The following CREB5 variants were observed in gnomAD, a reference collection of about 807,000 sequenced individuals.
The protein encoded by CREB5 is cyclic AMP-responsive element-binding protein 5.
A neutral mutation model predicts 57.1 loss-of-function variants in CREB5; 19 were observed. The ratio of observed to expected loss-of-function variants is 0.33; its 90% CI spans 0.23 to 0.49. The LOEUF (loss-of-function observed/expected upper bound fraction) is 0.49, where lower values mean the gene tolerates loss of function less well. CREB5 is among the 20% of genes least tolerant of loss of function. The pLI is 0.99. For synonymous variants in CREB5, 238 were observed against 238.3 expected, an observed-to-expected ratio of 1.00 and a Z score of 0.01; for missense variants, 579 against 671.6, an observed-to-expected ratio of 0.86 and a Z score of 1.52.
intron 4 of CREB5, among the ~76,000 whole-genome samples, chr7:28,554,749 C>T (rs906138613): frequency 1.3e-5 from 2 of 152,184 alleles, no homozygotes; most frequent in African/African-American, 4.8e-5. Context: ...ATTGGAGGCC[C>T]GGAGGGCGTT....
intron 4 of CREB5, among the ~76,000 whole-genome samples, chr7:28,560,845 CGCGTGT>C (rs1178985294): frequency 0.013 from 537 of 41,346 alleles, 70 homozygotes; most frequent in Non-Finnish European, 0.022. Flanking sequence ...TGTGTGTGTG[CGCGTGT>C]GTGTGTGCGT....
At chr7:28,627,325 A>G (rs915698081) in intron 5 of CREB5, among the ~76,000 whole-genome samples, 2 of 152,230 alleles carry the variant, frequency 1.3e-5, no homozygotes, top group African/African-American at 4.8e-5. Flanking sequence ...ATTAGATACA[A>G]TAATACTTGA....
chr7:28,532,832 C>G (rs2128622863), intron 4 of CREB5, among the ~76,000 whole-genome samples: 1 of 152,338 alleles, frequency 6.6e-6, no homozygotes, highest in African/African-American at 2.4e-5. Context: ...TACTATACCT[C>G]TCACCCTAAG....
intron 5 of CREB5, among the ~76,000 whole-genome samples, chr7:28,621,092 T>G (rs1365490789): frequency 6.6e-6 from 1 of 150,454 alleles, no homozygotes; most frequent in Non-Finnish European, 1.5e-5. Context: ...CAAGTGGCCT[T>G]GGAATTGTGC....
intron 5 of CREB5, among the ~76,000 whole-genome samples, chr7:28,617,145 T>G (rs990745848): frequency 9.2e-5 from 14 of 152,358 alleles, no homozygotes; most frequent in African/African-American, 3.1e-4. Flanking sequence ...AAAGTCTGTT[T>G]GCTATGCAGA....
chr7:28,654,951 C>A (rs909244659), intron 5 of CREB5, among the ~76,000 whole-genome samples: 2 of 152,120 alleles, frequency 1.3e-5, no homozygotes, highest in African/African-American at 4.8e-5. Flanking sequence ...GACTCCATCA[C>A]CCAGGCTGGA....
intron 1 of CREB5, among the ~76,000 whole-genome samples, chr7:28,444,080 A>G (rs950093632): frequency 6.6e-6 from 1 of 152,250 alleles, no homozygotes; most frequent in Admixed American, 6.5e-5. Context: ...TACAAAACTC[A>G]GAAGGTTCCT....
intron 4 of CREB5, among the ~76,000 whole-genome samples, chr7:28,560,953 TGTGTGTGCGTGTGTGTGTGC>T (rs1795211248): frequency 2.1e-5 from 1 of 47,182 alleles, no homozygotes. Flanking sequence ...TGTGTGTGCG[TGTGTGTGCGTGTGTGTGTGC>T]GTGTGTGCGT....
chr7:28,421,425 G>A (rs1236892906), intron 1 of CREB5, among the ~76,000 whole-genome samples: 1 of 152,070 alleles, frequency 6.6e-6, no homozygotes, highest in African/African-American at 2.4e-5. Context: ...ATTTGGTTAT[G>A]TAAGTAAGTT....
intron 1 of CREB5, among the ~76,000 whole-genome samples, chr7:28,466,684 T>A (rs1025807574): frequency 3.3e-5 from 5 of 152,148 alleles, no homozygotes; most frequent in African/African-American, 7.2e-5. Context: ...TCGGTTCAAG[T>A]GAGTCCAGAT....
At chr7:28,678,919 T>C (rs976350065) in intron 5 of CREB5, among the ~76,000 whole-genome samples, 1 of 152,188 alleles carries the variant, frequency 6.6e-6, no homozygotes, top group Non-Finnish European at 1.5e-5. Flanking sequence ...AGTTATTAGA[T>C]AGACACAGAG....
At chr7:28,656,682 G>A (rs1799344735) in intron 5 of CREB5, among the ~76,000 whole-genome samples, 2 of 152,208 alleles carry the variant, frequency 1.3e-5, no homozygotes, top group South Asian at 2.1e-4. Context: ...GCTGAGGAGT[G>A]TGTGAACAGG....
At chr7:28,702,536 T>C (rs915180756) in intron 5 of CREB5, among the ~76,000 whole-genome samples, 2 of 152,246 alleles carry the variant, frequency 1.3e-5, no homozygotes, top group Non-Finnish European at 2.9e-5. Context: ...TATGTTATGA[T>C]GTTCTCCTTT....
intron 1 of CREB5, among the ~76,000 whole-genome samples, chr7:28,482,352 C>T (rs1047245249): frequency 6.6e-6 from 1 of 152,112 alleles, no homozygotes; most frequent in African/African-American, 2.4e-5. Context: ...TGTGTGTGTC[C>T]CCTTGCCCTT....
Position 28,819,461 on chromosome 7 carries a change from G to A in CREB5, c.*182G>A. On this transcript the variant is annotated 3_prime_UTR_variant, in exon 11 of 11. Transcript: ENST00000357727. ...ATACTTAGTTATATAAGAAAAAAGG[G>A]AGTTATGCAATTAATATCTATCAGC... is the stretch of plus-strand genomic sequence containing the variant. 1 of 598,644 alleles carries A rather than the reference G, an allele frequency of 1.7e-6. No homozygotes were observed. Among genetic ancestry groups the A allele is most frequent in the Non-Finnish European group, 2.7e-6 (1 of 366,934 alleles). 37.1% of individuals were successfully genotyped at this position (598,644 alleles called of 1,614,324 possible). A position where few individuals can be genotyped will look rare whatever the true frequency, so the allele number is the denominator to read the frequency against.
chr7:28,312,100 G>T (rs1264356391), intron 1 of CREB5, among the ~76,000 whole-genome samples: 1 of 151,674 alleles, frequency 6.6e-6, no homozygotes, highest in African/African-American at 2.4e-5. Context: ...ACCCTAAGAT[G>T]TAATTAGCTG....
In CREB5 at chr7:28,522,794, G is replaced by A. The variant is rs531750514; in HGVS notation, c.291+15057G>A. Among the ~76,000 whole-genome samples the A allele has an allele frequency of 2.7e-4, 41 of 152,300 alleles. 1 individual carries two copies. In the South Asian group the frequency reaches 3.9e-3, roughly 15 times the overall value. Reference sequence around the variant, plus strand: ...TTCTGCAGATGTGGCTAGAGACAGCGTGGCTGGCCCTGAAACCTAGCAATG... The same window carrying A: ...TTCTGCAGATGTGGCTAGAGACAGCATGGCTGGCCCTGAAACCTAGCAATG... On this transcript the variant is annotated intron_variant, in intron 4 of 10. Coordinates refer to ENST00000357727, the MANE Select transcript of CREB5 (RefSeq NM_182898.4).
intron 1 of CREB5, among the ~76,000 whole-genome samples, chr7:28,355,049 C>A (rs924290845): frequency 6.6e-6 from 1 of 152,216 alleles, no homozygotes; most frequent in African/African-American, 2.4e-5. Flanking sequence ...TTGGTTATGT[C>A]TTCCGTTGCA....
At chr7:28,631,997 G>T (rs1432483599) in intron 5 of CREB5, among the ~76,000 whole-genome samples, 2 of 152,184 alleles carry the variant, frequency 1.3e-5, no homozygotes, top group African/African-American at 4.8e-5. Context: ...ACCATTTTAT[G>T]CATATAAGGG....
Sources: allele counts gnomAD v4.1 joint callset (sites outside exome capture counted in the v4.1 genomes callset), GRCh38; gene constraint gnomAD v4.1.1; transcripts MANE v1.5; gene names NCBI Gene and HGNC (gene_info 2026-07-23, HGNC 2026-07-21).